Variants in CNTN4 observed in about 807,000 individuals in gnomAD.
CNTN4 encodes the protein contactin-4.
CNTN4 carries 77 observed loss-of-function variants against 122.5 expected under a neutral mutation model. The observed-to-expected ratio is 0.63, with a 90% CI of 0.52 to 0.76. CNTN4 has a LOEUF of 0.76. CNTN4 is among the 30% of genes least tolerant of loss of function. The pLI is 0.00. For synonymous variants in CNTN4, 512 were observed against 447.0 expected, an observed-to-expected ratio of 1.15 and a Z score of -1.83; for missense variants, 1,256 against 1,259.1, an observed-to-expected ratio of 1.00 and a Z score of 0.04.
chr3:3,009,074 C>G, intron 14 of CNTN4: 1 of 975,792 alleles, frequency 1.0e-6, no homozygotes, highest in Non-Finnish European at 1.2e-6. Flanking sequence ...AGCACCACCT[C>G]CGGAGCCACA....
At chr3:2,367,431 T>C (rs542226440) in intron 3 of CNTN4, among the ~76,000 whole-genome samples, 1 of 152,266 alleles carries the variant, frequency 6.6e-6, no homozygotes, top group Non-Finnish European at 1.5e-5. Flanking sequence ...AATACGAAAA[T>C]CTTAATTATA....
chr3:2,289,438 A>G (rs756548747), intron 2 of CNTN4, among the ~76,000 whole-genome samples: 13 of 152,258 alleles, frequency 8.5e-5, no homozygotes, highest in East Asian at 3.9e-4. Flanking sequence ...CAGAGTTTCT[A>G]TAAGGATTAA....
intron 3 of CNTN4, among the ~76,000 whole-genome samples, chr3:2,475,948 GT>G (rs1235477306): frequency 4.6e-5 from 7 of 152,198 alleles, no homozygotes; most frequent in Non-Finnish European, 7.3e-5. Flanking sequence ...TCTGCAAAAT[GT>G]ATAAAAGGTG....
At chr3:2,623,123 A>C (rs2082052710) in intron 4 of CNTN4, among the ~76,000 whole-genome samples, 1 of 152,212 alleles carries the variant, frequency 6.6e-6, no homozygotes, top group Non-Finnish European at 1.5e-5. Flanking sequence ...TTCCCTGCTC[A>C]TGGTAATATG....
At position 2,551,329 on chromosome 3, in the gene CNTN4, T is replaced by A. The variant is rs118054608; in HGVS notation, c.-88-20087T>A. Among the ~76,000 whole-genome samples, 54 of 152,218 alleles carry A rather than the reference T, an allele frequency of 3.5e-4. 1 individual carries two copies. The East Asian group carries it at 8.9e-3, about 25-fold the overall frequency. On this transcript the variant is annotated intron_variant, in intron 3 of 24. Transcript: ENST00000418658. The stretch of plus-strand genomic sequence containing the variant: ...CTCAAAATCTAAAATGTTATATGAA[T>A]GTCAGGAGAAGAAAAGTGGCTGTAT...
chr3:2,460,556 G>A (rs1222732747), intron 3 of CNTN4, among the ~76,000 whole-genome samples: 1 of 152,070 alleles, frequency 6.6e-6, no homozygotes, highest in Non-Finnish European at 1.5e-5. Flanking sequence ...TGACGTACAT[G>A]ACCCCTTTAT....
intron 2 of CNTN4, among the ~76,000 whole-genome samples, chr3:2,278,326 A>G (rs527669201): frequency 1.3e-5 from 2 of 152,350 alleles, no homozygotes; most frequent in African/African-American, 4.8e-5. Flanking sequence ...GGCTTTGGAC[A>G]TGCATTCCTA....
At position 2,736,335 on chromosome 3, in the gene CNTN4, A is replaced by G; in HGVS notation, c.176A>G (p.His59Arg). ...GAAGTTAAAGGAAATCCAAAACCTC[A>G]TATCAGGTTTGTTGATGTAAAAGCA... ...NCEVKGNPKPHIRWKLNGTDV... is the reference protein window; with the variant it reads ...NCEVKGNPKPRIRWKLNGTDV... Residue 59 changes from histidine to arginine, a missense_variant, in exon 5 of 25, where the codon CAT (histidine) becomes CGT (arginine). By Grantham distance (29) the His-to-Arg change is conservative. Coordinates refer to ENST00000418658, the MANE Select transcript of CNTN4 (RefSeq NM_175607.3). The G allele has an allele frequency of 2.5e-6, 4 of 1,613,604 alleles. No homozygotes were observed. The highest frequency in any genetic ancestry group is 3.4e-6 in the Non-Finnish European group (4 of 1,179,716).
chr3:2,602,786 A>G (rs1015024736), intron 4 of CNTN4, among the ~76,000 whole-genome samples: 6 of 152,348 alleles, frequency 3.9e-5, no homozygotes, highest in South Asian at 2.1e-4. Flanking sequence ...TAATACATGA[A>G]GAAGCAGAGA....
At chr3:2,191,843 T>TA (rs1311009758) in intron 2 of CNTN4, among the ~76,000 whole-genome samples, 33 of 152,278 alleles carry the variant, frequency 2.2e-4, no homozygotes, top group Admixed American at 4.6e-4. Context: ...ACTTGTCATT[T>TA]ACATTAGGTA....
At chr3:2,259,672 CA>C (rs2040743318) in intron 2 of CNTN4, among the ~76,000 whole-genome samples, 1 of 152,142 alleles carries the variant, frequency 6.6e-6, no homozygotes, top group Admixed American at 6.5e-5. Context: ...GATGTATTCA[CA>C]ACCACGAGAA....
At chr3:2,977,934 G>A (rs13321946) in intron 13 of CNTN4, among the ~76,000 whole-genome samples, 7 of 152,246 alleles carry the variant, frequency 4.6e-5, no homozygotes, top group South Asian at 2.1e-4. Context: ...ACACACATCC[G>A]CACCATGTGA....
chr3:2,657,280 A>G (rs141737875), intron 4 of CNTN4, among the ~76,000 whole-genome samples: 1 of 152,228 alleles, frequency 6.6e-6, no homozygotes, highest in African/African-American at 2.4e-5. Flanking sequence ...ACAAGCCAAG[A>G]TAATACAGAC....
intron 4 of CNTN4, among the ~76,000 whole-genome samples, chr3:2,706,426 T>C (rs1411834677): frequency 6.6e-6 from 1 of 152,146 alleles, no homozygotes; most frequent in Non-Finnish European, 1.5e-5. Context: ...AATCAGCATA[T>C]AGAGGTGGTT....
chr3:2,816,433 G>A (rs1408902870), intron 6 of CNTN4, among the ~76,000 whole-genome samples: 1 of 151,986 alleles, frequency 6.6e-6, no homozygotes, highest in African/African-American at 2.4e-5. Flanking sequence ...AGGGGGAAGA[G>A]TGGGAAGTGG....
At chr3:2,363,204 T>A (rs566758812) in intron 3 of CNTN4, among the ~76,000 whole-genome samples, 1 of 152,302 alleles carries the variant, frequency 6.6e-6, no homozygotes, top group East Asian at 1.9e-4. Flanking sequence ...TTTTTCAGTG[T>A]TACTAAAGAA....
chr3:2,744,731 A>C (rs1300230360), intron 5 of CNTN4, among the ~76,000 whole-genome samples: 1 of 152,238 alleles, frequency 6.6e-6, no homozygotes, highest in Non-Finnish European at 1.5e-5. Context: ...AAATGAAATA[A>C]AAACAAAAAC....
chr3:2,621,647 A>T (rs4685535), intron 4 of CNTN4, among the ~76,000 whole-genome samples: 11,370 of 152,140 alleles, frequency 0.075, 501 homozygotes, highest in South Asian at 0.12. Context: ...AAAGTATAAT[A>T]AAAAAATTAA....
chr3:2,642,992 G>T (rs1187472135), intron 4 of CNTN4, among the ~76,000 whole-genome samples: 2 of 152,138 alleles, frequency 1.3e-5, no homozygotes. Context: ...ATACCTCATA[G>T]GGCAGATGTA....
Sources: allele counts gnomAD v4.1 joint callset (sites outside exome capture counted in the v4.1 genomes callset), GRCh38; gene constraint gnomAD v4.1.1; transcripts MANE v1.5; gene names NCBI Gene and HGNC (gene_info 2026-07-23, HGNC 2026-07-21).